Variants in MAGI1 observed in about 807,000 individuals in gnomAD.
The protein encoded by MAGI1 is membrane-associated guanylate kinase, WW and PDZ domain-containing protein 1.
In MAGI1, 58 loss-of-function variants were observed where a neutral mutation model predicts 139.9. The ratio of observed to expected loss-of-function variants is 0.41; its 90% confidence interval spans 0.34 to 0.52. The LOEUF (loss-of-function observed/expected upper bound fraction) is 0.52. Ranked by LOEUF, MAGI1 falls within the 20% of genes least tolerant of loss-of-function variation. The pLI is 0.12. For missense variants in MAGI1, 1,874 were observed against 1,901.6 expected (o/e 0.99, Z 0.27); for synonymous variants, 812 against 737.9 (o/e 1.10, Z -1.63).
At chr3:65,967,486 T>A (rs555250851) in intron 1 of MAGI1, among the ~76,000 whole-genome samples, 2 of 151,998 alleles carry the variant, frequency 1.3e-5, no homozygotes, top group Non-Finnish European at 2.9e-5. Context: ...CCAGTTAAAA[T>A]CTATAGGCCA....
In MAGI1 at chr3:65,356,958, C is replaced by T; in HGVS notation, c.3809G>A (p.Arg1270Lys). 6.2e-7 allele frequency: 1 copy of T among 1,614,190 alleles called. No homozygotes were observed. Among genetic ancestry groups the T allele is most frequent in the Non-Finnish European group, 8.5e-7 (1 of 1,180,022 alleles). The part of the protein sequence containing the change: ...RAHARDPKGS[R>K]EYSRQPNEHH... ...TTCATTGGGTTGTCTGCTATACTCTCTGCTGCCTTTCGGATCCCTTGCGTG... is the reference window on the plus strand; with the variant it reads ...TTCATTGGGTTGTCTGCTATACTCTTTGCTGCCTTTCGGATCCCTTGCGTG... The change falls in exon 23 of 23, where the codon AGA becomes AAA. Residue 1270 changes from arginine to lysine, a missense_variant. Physicochemically the swap from Arg to Lys is conservative, Grantham distance 26 (BLOSUM62 2). This residue lies in a region of MAGI1 where 653 missense variants were observed against 644.5 expected (regional missense o/e 1.01). Coordinates refer to ENST00000402939, the MANE Select transcript of MAGI1 (RefSeq NM_001033057.2).
intron 2 of MAGI1, among the ~76,000 whole-genome samples, chr3:65,617,110 T>C (rs1235432640): frequency 6.6e-6 from 1 of 152,216 alleles, no homozygotes; most frequent in Non-Finnish European, 1.5e-5. Flanking sequence ...TAAATTGCCT[T>C]GTAGATCAAA....
intron 2 of MAGI1, among the ~76,000 whole-genome samples, chr3:65,541,105 C>A (rs942827649): frequency 6.6e-6 from 1 of 152,120 alleles, no homozygotes; most frequent in Non-Finnish European, 1.5e-5. Context: ...ACTGATCACA[C>A]AGAAATATAA....
At chr3:65,360,840 C>T (rs1204065941) in intron 22 of MAGI1, 2 of 1,106,162 alleles carry the variant, frequency 1.8e-6, no homozygotes, top group South Asian at 3.7e-5. Flanking sequence ...TGCTTTCCTG[C>T]TTCTTAAAAG....
At chr3:65,980,219 G>A (rs935651949) in intron 1 of MAGI1, among the ~76,000 whole-genome samples, 1 of 152,296 alleles carries the variant, frequency 6.6e-6, no homozygotes, top group Middle Eastern at 3.4e-3. Context: ...GCCTCTCTAA[G>A]CCATACTTTT....
chr3:65,356,254 G>T lies in MAGI1; in HGVS notation c.*124C>A. On this transcript the variant is annotated 3_prime_UTR_variant, in exon 23 of 23. Transcript: ENST00000402939. ...AAGATTTCAAATGCATAAAATGTTT[G>T]TTGTTATTCATAGGATCATCAGGTG... 1 of 891,138 alleles carries T rather than the reference G, an allele frequency of 1.1e-6. No individual in the cohort carries two copies. The highest frequency in any genetic ancestry group is 1.6e-6 in the Non-Finnish European group (1 of 615,806). The allele number at this position is 891,138 out of a possible 1,614,324, so 55.2% of individuals were successfully genotyped here.
chr3:66,011,056 C>T (rs2067296416), intron 1 of MAGI1, among the ~76,000 whole-genome samples: 1 of 152,184 alleles, frequency 6.6e-6, no homozygotes, highest in African/African-American at 2.4e-5. Context: ...CAAAGTCATC[C>T]CTGGCTGGGG....
At chr3:65,478,073 A>G (rs6445481) in intron 4 of MAGI1, among the ~76,000 whole-genome samples, 149,389 of 152,212 alleles carry the variant, frequency 0.98, 73,374 homozygotes, top group East Asian at 1. Flanking sequence ...AAGGCATATA[A>G]CAATTTTGCG....
intron 1 of MAGI1, among the ~76,000 whole-genome samples, chr3:65,708,561 C>A (rs1177602185): frequency 6.6e-6 from 1 of 151,758 alleles, no homozygotes; most frequent in African/African-American, 2.4e-5. Context: ...CTAGTTAAGG[C>A]TTGGGGGCAG....
chr3:65,622,969 T>C (rs1334396299), intron 1 of MAGI1, among the ~76,000 whole-genome samples: 1 of 152,212 alleles, frequency 6.6e-6, no homozygotes, highest in Non-Finnish European at 1.5e-5. Context: ...ACAACTACTT[T>C]GCATAAGCTA....
At chr3:65,753,697 CAAAAAAA>C (rs35459634) in intron 1 of MAGI1, among the ~76,000 whole-genome samples, 1 of 104,188 alleles carries the variant, frequency 9.6e-6, no homozygotes, top group Admixed American at 9.0e-5. Flanking sequence ...AACTCCATCT[CAAAAAAA>C]AAAAAAAAAA....
chr3:65,538,526 A>G (rs2079060890), intron 2 of MAGI1, among the ~76,000 whole-genome samples: 1 of 152,196 alleles, frequency 6.6e-6, no homozygotes, highest in African/African-American at 2.4e-5. Flanking sequence ...AATTTATACC[A>G]AGTTAGGCTG....
chr3:65,560,401 C>A (rs1445654067), intron 2 of MAGI1, among the ~76,000 whole-genome samples: 3 of 152,040 alleles, frequency 2.0e-5, no homozygotes, highest in Non-Finnish European at 2.9e-5. Context: ...TTTCTGTGTA[C>A]CCCATAAATA....
In MAGI1 at chr3:65,360,803, G is replaced by C. The variant is rs947741412; in HGVS notation, c.3634+396C>G. 7 of 1,037,120 alleles carry C rather than the reference G, an allele frequency of 6.7e-6. No individual in the cohort carries two copies. The South Asian group carries it at 1.6e-4, about 24-fold the overall frequency. 64.2% of individuals were successfully genotyped at this position (1,037,120 alleles called of 1,614,324 possible). ...AGTAACCAAAAAGGAAAAAATAATT[G>C]TGCCTCAACATATCACTCAGGAAAC... is the stretch of plus-strand genomic sequence containing the variant. On this transcript the variant is annotated intron_variant, in intron 22 of 22. Transcript: ENST00000402939.
At chr3:65,819,681 A>G (rs1296700121) in intron 1 of MAGI1, among the ~76,000 whole-genome samples, 1 of 151,886 alleles carries the variant, frequency 6.6e-6, no homozygotes, top group African/African-American at 2.4e-5. Flanking sequence ...GATCGAGACC[A>G]TCCTGACCAA....
At chr3:65,967,923 C>G (rs551766988) in intron 1 of MAGI1, among the ~76,000 whole-genome samples, 1 of 152,130 alleles carries the variant, frequency 6.6e-6, no homozygotes, top group African/African-American at 2.4e-5. Flanking sequence ...AGCGGTAATG[C>G]CCACACCTGG....
chr3:65,928,125 T>G (rs1421312092), intron 1 of MAGI1, among the ~76,000 whole-genome samples: 3 of 152,172 alleles, frequency 2.0e-5, no homozygotes, highest in Non-Finnish European at 4.4e-5. Context: ...GACAAGGATT[T>G]TTTTACAGCA....
intron 1 of MAGI1, among the ~76,000 whole-genome samples, chr3:65,744,565 G>A (rs548133130): frequency 1.3e-5 from 2 of 152,212 alleles, no homozygotes; most frequent in South Asian, 4.2e-4. Context: ...CAATCGTATG[G>A]AAACATGCTT....
chr3:65,860,658 T>C (rs1314295659), intron 1 of MAGI1, among the ~76,000 whole-genome samples: 1 of 152,172 alleles, frequency 6.6e-6, no homozygotes, highest in Non-Finnish European at 1.5e-5. Flanking sequence ...GTCAAGAGTC[T>C]GTCCTCCCCG....
Sources: allele counts gnomAD v4.1 joint callset (sites outside exome capture counted in the v4.1 genomes callset), GRCh38; gene constraint gnomAD v4.1.1; regional missense constraint gnomAD v4.1.1; transcripts MANE v1.5; gene names NCBI Gene and HGNC (gene_info 2026-07-23, HGNC 2026-07-21).